The following TRHDE variants were observed in gnomAD, a reference collection of about 807,000 sequenced individuals.
TRHDE encodes the protein thyrotropin releasing hormone degrading enzyme.
TRHDE carries 72 observed loss-of-function variants against 125.7 expected under a neutral mutation model. The ratio of observed to expected loss-of-function variants is 0.57; its 90% CI spans 0.47 to 0.70. The LOEUF (loss-of-function observed/expected upper bound fraction) is 0.70. Among genes scored for constraint, TRHDE ranks in the 30% least tolerant of loss-of-function variants. The probability of loss-of-function intolerance (pLI) is 0.00; values close to 1 mark genes in which losing one functional copy is unlikely to be tolerated. For missense variants in TRHDE, 1,110 were observed against 1,327.1 expected, an observed-to-expected ratio of 0.84 and a Z score of 2.54; for synonymous variants, 509 against 509.1, an observed-to-expected ratio of 1.00 and a Z score of 0.00.
At chr12:72,176,147 A>G (rs1876983086) in intron 2 of TRHDE, among the ~76,000 whole-genome samples, 1 of 152,150 alleles carries the variant, frequency 6.6e-6, no homozygotes, top group Non-Finnish European at 1.5e-5. Flanking sequence ...TCTTGAGCCT[A>G]GGAGTTTGAG....
intron 3 of TRHDE, among the ~76,000 whole-genome samples, chr12:72,417,863 C>G (rs139268002): frequency 1.3e-5 from 2 of 151,992 alleles, no homozygotes; most frequent in East Asian, 3.9e-4. Context: ...TTTCTTCTTT[C>G]TCAATTTCAC....
chr12:72,355,599 A>G (rs1394379167), intron 2 of TRHDE, among the ~76,000 whole-genome samples: 1 of 151,976 alleles, frequency 6.6e-6, no homozygotes, highest in South Asian at 2.1e-4. Flanking sequence ...AAAAGAAACT[A>G]TCAACATAGT....
intron 6 of TRHDE, among the ~76,000 whole-genome samples, chr12:72,512,513 T>TATAATAATAATATATTATATAGTTATA (rs1244424693): frequency 2.9e-5 from 4 of 135,950 alleles, no homozygotes; most frequent in African/African-American, 1.1e-4. Flanking sequence ...GTTATAATTA[T>TATAATAATAATATATTATATAGTTATA]ATTATATATA....
intron 7 of TRHDE, among the ~76,000 whole-genome samples, chr12:72,552,376 G>A (rs1869720081): frequency 6.6e-6 from 1 of 152,168 alleles, no homozygotes; most frequent in Non-Finnish European, 1.5e-5. Flanking sequence ...GATAAATTCG[G>A]TGAAGAGAGT....
intron 12 of TRHDE, among the ~76,000 whole-genome samples, chr12:72,596,380 A>C (rs1871940545): frequency 6.6e-6 from 1 of 152,168 alleles, no homozygotes; most frequent in African/African-American, 2.4e-5. Context: ...CATTGAATAA[A>C]TGTTTATGAG....
intron 2 of TRHDE, among the ~76,000 whole-genome samples, chr12:72,191,081 A>C (rs1225382498): frequency 6.6e-6 from 1 of 152,248 alleles, no homozygotes; most frequent in Non-Finnish European, 1.5e-5. Context: ...GCCAGAATAA[A>C]TAACTTATTT....
intron 2 of TRHDE, among the ~76,000 whole-genome samples, chr12:72,343,630 T>G (rs1434597342): frequency 1.3e-5 from 2 of 152,160 alleles, no homozygotes; most frequent in Non-Finnish European, 2.9e-5. Context: ...TTGTTTATGT[T>G]TTCAGTGTTA....
At chr12:72,604,257 A>G (rs1872335595) in intron 12 of TRHDE, among the ~76,000 whole-genome samples, 1 of 152,172 alleles carries the variant, frequency 6.6e-6, no homozygotes, top group African/African-American at 2.4e-5. Context: ...TATTATTTTA[A>G]GGTAGCTTAA....
intron 1 of TRHDE, among the ~76,000 whole-genome samples, chr12:72,284,437 G>A (rs1430471228): frequency 6.6e-6 from 1 of 152,086 alleles, no homozygotes; most frequent in Non-Finnish European, 1.5e-5. Flanking sequence ...TAAGATTCAC[G>A]AGCATTATGT....
At chr12:72,243,755 T>G (rs1878524979) in intron 2 of TRHDE, among the ~76,000 whole-genome samples, 1 of 152,214 alleles carries the variant, frequency 6.6e-6, no homozygotes, top group African/African-American at 2.4e-5. Flanking sequence ...TTTTCAACCA[T>G]CTTGATTTAT....
At chr12:72,606,495 T>G (rs1872451580) in intron 12 of TRHDE, among the ~76,000 whole-genome samples, 1 of 152,168 alleles carries the variant, frequency 6.6e-6, no homozygotes, top group African/African-American at 2.4e-5. Flanking sequence ...CTCTTCCATT[T>G]CTTGTCTTTT....
Position 72,278,753 on chromosome 12 carries a change from T to G in TRHDE, c.914+5196T>G, listed in dbSNP as rs564825447. On this transcript the variant is annotated intron_variant, in intron 1 of 18. Coordinates refer to ENST00000261180, the MANE Select transcript of TRHDE (RefSeq NM_013381.3). ...TTGTATGTCTTATTTTGAGAAATTT[T>G]CATTCAGGTCTTTTGCCCACTTTAA... is the stretch of plus-strand genomic sequence containing the variant. Among the ~76,000 whole-genome samples, 31 of 152,348 alleles carry G rather than the reference T, an allele frequency of 2.0e-4. No homozygotes were observed. The Middle Eastern group carries it at 0.01, about 50-fold the overall frequency.
At chr12:72,248,395 G>A (rs1431404997) in intron 2 of TRHDE, among the ~76,000 whole-genome samples, 1 of 121,594 alleles carries the variant, frequency 8.2e-6, no homozygotes, top group Non-Finnish European at 1.6e-5. Context: ...TCCAGCCTGG[G>A]CAACAAAGCG....
intron 7 of TRHDE, among the ~76,000 whole-genome samples, chr12:72,552,932 C>T (rs1292603352): frequency 2.0e-5 from 3 of 152,218 alleles, no homozygotes; most frequent in South Asian, 4.1e-4. Flanking sequence ...ACTCCAGGAC[C>T]TTGCTCATTG....
At chr12:72,529,054 TC>T (rs1868409551) in intron 6 of TRHDE, among the ~76,000 whole-genome samples, 1 of 152,072 alleles carries the variant, frequency 6.6e-6, no homozygotes, top group Non-Finnish European at 1.5e-5. Context: ...TCATTTTTCC[TC>T]TGTCAGATAA....
chr12:72,098,777 C>T (rs1265687130), intron 1 of TRHDE, among the ~76,000 whole-genome samples: 1 of 152,188 alleles, frequency 6.6e-6, no homozygotes, highest in East Asian at 1.9e-4. Flanking sequence ...CATCTTGCAC[C>T]TCCCAGCCAG....
intron 1 of TRHDE, among the ~76,000 whole-genome samples, chr12:72,101,284 G>T (rs1340523467): frequency 6.6e-6 from 1 of 152,196 alleles, no homozygotes; most frequent in African/African-American, 2.4e-5. Context: ...CAGGTCGTCT[G>T]CTCGAAATAT....
intron 2 of TRHDE, among the ~76,000 whole-genome samples, chr12:72,157,099 C>A (rs919315491): frequency 6.6e-6 from 1 of 151,800 alleles, no homozygotes; most frequent in Admixed American, 6.6e-5. Flanking sequence ...GCAGGATCAG[C>A]AACTACACTG....
chr12:72,628,233 T>A (rs1255469934), intron 15 of TRHDE, among the ~76,000 whole-genome samples: 1 of 151,786 alleles, frequency 6.6e-6, no homozygotes, highest in Non-Finnish European at 1.5e-5. Flanking sequence ...ATTTTAACTG[T>A]GATGAGAAGC....
Sources: gnomAD v4.1 joint callset for allele counts (sites outside exome capture counted in the v4.1 genomes callset) on GRCh38, gnomAD v4.1.1 for gene constraint, MANE v1.5 for transcripts, NCBI Gene and HGNC (gene_info 2026-07-23, HGNC 2026-07-21) for gene names.